STARD13: variants seen among roughly 807,000 people sequenced by gnomAD.
The protein encoded by STARD13 is StAR related lipid transfer domain containing 13.
In STARD13, 62 loss-of-function variants were observed where a neutral mutation model predicts 106.4. The observed-to-expected ratio is 0.58, with a 90% CI of 0.48 to 0.72. The LOEUF is 0.72. Ranked by LOEUF, STARD13 falls within the 30% of genes least tolerant of loss-of-function variation. The pLI is 0.00. For missense variants in STARD13, 1,387 were observed against 1,424.0 expected, an observed-to-expected ratio of 0.97 and a Z score of 0.42; for synonymous variants, 565 against 553.0, an observed-to-expected ratio of 1.02 and a Z score of -0.31.
chr13:33,186,668 TGTC>T (rs1885796909), intron 1 of STARD13, among the ~76,000 whole-genome samples: 1 of 152,182 alleles, frequency 6.6e-6, no homozygotes, highest in East Asian at 1.9e-4. Context: ...CTAAAGAGTA[TGTC>T]ATTAATTATC....
At chr13:33,628,414 T>C in the STARD13 span, among the ~76,000 whole-genome samples, 2 of 152,176 alleles carry the variant, frequency 1.3e-5, no homozygotes, top group South Asian at 4.1e-4. Context: ...CAAGTTCAGG[T>C]ATGTGTACGA....
Position 33,179,660 on chromosome 13 carries a change from G to T in STARD13, c.170-12038C>A, listed in dbSNP as rs577809125. ...GGTGAATGCAAGGCTGTGGGCAGTG[G>T]GTCCTACCCTGTAGGTCTCTAAACC... On this transcript the variant is annotated intron_variant, in intron 1 of 13. Transcript: ENST00000336934. Among the ~76,000 whole-genome samples, 3 of 152,252 alleles carry T rather than the reference G, an allele frequency of 2.0e-5. No individual in the cohort carries two copies. The South Asian group carries it at 6.2e-4, about 32-fold the overall frequency.
chr13:33,653,423 G>A, the STARD13 span, among the ~76,000 whole-genome samples: 2,701 of 152,164 alleles, frequency 0.018, 87 homozygotes, highest in African/African-American at 0.061. Flanking sequence ...GCTATTTAAC[G>A]GGGGAAAGAA....
chr13:33,514,613 C>T, the STARD13 span, among the ~76,000 whole-genome samples: 2 of 152,016 alleles, frequency 1.3e-5, no homozygotes, highest in Admixed American at 6.6e-5. Context: ...GGACCAAGGG[C>T]ATGTTCCTAC....
the STARD13 span, among the ~76,000 whole-genome samples, chr13:33,649,762 A>G: frequency 6.6e-6 from 1 of 152,192 alleles, no homozygotes. Context: ...TAAAAGAGGT[A>G]ACAAAATCTT....
chr13:33,321,507 G>GA (rs552088112), intron 1 of STARD13, among the ~76,000 whole-genome samples: 4,595 of 133,740 alleles, frequency 0.034, 235 homozygotes, highest in African/African-American at 0.11. Flanking sequence ...CCGTCTCAGG[G>GA]AAAAAAAAAA....
chr13:33,512,799 A>G, the STARD13 span, among the ~76,000 whole-genome samples: 4 of 152,058 alleles, frequency 2.6e-5, no homozygotes, highest in African/African-American at 7.2e-5. Context: ...GCTTCATCCC[A>G]GGTTCTTGAA....
chr13:33,129,918 C>A lies in STARD13; in HGVS notation c.759G>T (p.Arg253Ser). Residue 253 changes from arginine (R) to serine (S), a missense_variant, in exon 5 of 14, where the codon AGG becomes AGT. Physicochemically the swap from Arg to Ser is moderately radical, Grantham distance 110. Transcript: ENST00000336934. ...PFHPKNEKPT[R>S]ARAKSFLKRM... ...GTTTCAAAAATGATTTGGCCCTAGC[C>A]CTCGTGGGCTTCTCATTCTTGGGGT... The A allele has an allele frequency of 2.5e-6, 4 of 1,613,460 alleles. No homozygotes were observed. The South Asian group carries it at 4.4e-5, about 18-fold the overall frequency.
At chr13:33,447,120 G>A in the STARD13 span, among the ~76,000 whole-genome samples, 1 of 152,172 alleles carries the variant, frequency 6.6e-6, no homozygotes, top group African/African-American at 2.4e-5. Flanking sequence ...TCTGGATCCA[G>A]TTTAGTTAAT....
At position 33,350,260 on chromosome 13, in the gene STARD13, C is replaced by A. The variant is rs1298407283; in HGVS notation, c.124+30G>T. The stretch of plus-strand genomic sequence containing the variant: ...ACGGGGCCGGCGCCTCCCCCGCCCC[C>A]GTGGGTCGCGGCGTCTCCGGGGCAC... On this transcript the variant is annotated intron_variant, in intron 1 of 1. Transcript: ENST00000439831. 5 of 1,516,366 alleles carry A rather than the reference C, an allele frequency of 3.3e-6. No individual in the cohort carries two copies. The South Asian group carries it at 3.7e-5, about 11-fold the overall frequency. The allele number at this position is 1,516,366 out of a possible 1,614,324, so 93.9% of individuals were successfully genotyped here.
chr13:33,409,637 G>A, the STARD13 span, among the ~76,000 whole-genome samples: 1 of 152,196 alleles, frequency 6.6e-6, no homozygotes, highest in African/African-American at 2.4e-5. Context: ...TCTGTTGGCA[G>A]AGAAAATCCC....
chr13:33,231,107 C>T (rs1888897044), intron 1 of STARD13, among the ~76,000 whole-genome samples: 1 of 152,218 alleles, frequency 6.6e-6, no homozygotes, highest in Non-Finnish European at 1.5e-5. Context: ...GGACACTCCT[C>T]AGTTGGCTGA....
chr13:33,269,578 C>A (rs1891060204), intron 1 of STARD13, among the ~76,000 whole-genome samples: 1 of 152,166 alleles, frequency 6.6e-6, no homozygotes, highest in African/African-American at 2.4e-5. Context: ...GGCAGTAAGC[C>A]CAATTGACAT....
At chr13:33,203,293 T>C (rs193134475) in intron 1 of STARD13, among the ~76,000 whole-genome samples, 1 of 152,246 alleles carries the variant, frequency 6.6e-6, no homozygotes, top group Admixed American at 6.5e-5. Flanking sequence ...ATGTTCATCA[T>C]GTAAAATGAA....
chr13:33,293,604 G>T (rs1282956341), intron 1 of STARD13, among the ~76,000 whole-genome samples: 3 of 152,112 alleles, frequency 2.0e-5, no homozygotes, highest in African/African-American at 7.2e-5. Flanking sequence ...ATTGATCCTG[G>T]GTGTGTCTGC....
the STARD13 span, among the ~76,000 whole-genome samples, chr13:33,584,350 G>T: frequency 2.6e-5 from 4 of 152,148 alleles, no homozygotes; most frequent in African/African-American, 9.7e-5. Flanking sequence ...GGAAGGCAAA[G>T]GAGGTGCCAT....
At chr13:33,197,416 T>TTGTGTGTGTGTGTG (rs142681141) in intron 1 of STARD13, among the ~76,000 whole-genome samples, 4 of 148,026 alleles carry the variant, frequency 2.7e-5, no homozygotes, top group African/African-American at 7.5e-5. Flanking sequence ...AGGAAGAGAG[T>TTGTGTGTGTGTGTG]TGTGTGTGTG....
intron 8 of STARD13, among the ~76,000 whole-genome samples, chr13:33,114,646 G>T (rs1017506482): frequency 6.6e-6 from 1 of 152,162 alleles, no homozygotes. Flanking sequence ...TAAATATGCT[G>T]CTCTAGGTAA....
chr13:33,346,591 A>G (rs1178418233), downstream of STARD13, among the ~76,000 whole-genome samples: 1 of 152,112 alleles, frequency 6.6e-6, no homozygotes, highest in Non-Finnish European at 1.5e-5. Context: ...AATGCCCTAG[A>G]TAGCAAATAC....
Sources: gnomAD v4.1 joint callset for allele counts (sites outside exome capture counted in the v4.1 genomes callset) on GRCh38, gnomAD v4.1.1 for gene constraint, MANE v1.5 for transcripts, NCBI Gene and HGNC (gene_info 2026-07-23, HGNC 2026-07-21) for gene names.